The following DCC variants were observed in gnomAD, a reference collection of about 807,000 sequenced individuals.
DCC encodes the protein netrin receptor DCC.
Under a neutral mutation model 172.5 loss-of-function variants are expected in DCC, and 58 were observed. The ratio of observed to expected loss-of-function variants is 0.34; its 90% CI spans 0.27 to 0.42. The LOEUF is 0.42. DCC is among the 10% of genes least tolerant of loss of function. The pLI is 1.00. For missense variants in DCC, 1,740 were observed against 1,791.0 expected (o/e 0.97, Z 0.51); for synonymous variants, 709 against 644.5 (o/e 1.10, Z -1.52).
At chr18:53,168,628 G>C (rs549879971) in intron 8 of DCC, among the ~76,000 whole-genome samples, 2 of 151,966 alleles carry the variant, frequency 1.3e-5, no homozygotes, top group East Asian at 3.9e-4. Context: ...TAGATGACAG[G>C]TTGATGGGTG....
intron 7 of DCC, among the ~76,000 whole-genome samples, chr18:53,070,712 T>G (rs2042640436): frequency 6.6e-6 from 1 of 152,224 alleles, no homozygotes; most frequent in Admixed American, 6.5e-5. Flanking sequence ...GGTCGTTGTT[T>G]ATTGTATTTG....
chr18:52,809,853 G>C (rs953388786), intron 2 of DCC, among the ~76,000 whole-genome samples: 27 of 151,834 alleles, frequency 1.8e-4, no homozygotes, highest in Non-Finnish European at 3.5e-4. Context: ...TGTGCTCTCA[G>C]ATGATAACTG....
chr18:53,219,950 CAGA>C (rs375543189), intron 12 of DCC, among the ~76,000 whole-genome samples: 3 of 152,026 alleles, frequency 2.0e-5, no homozygotes, highest in Non-Finnish European at 2.9e-5. Flanking sequence ...GGGATAACTG[CAGA>C]AGGACATGCT....
At chr18:53,163,198 G>A (rs569805120) in intron 8 of DCC, among the ~76,000 whole-genome samples, 1 of 152,268 alleles carries the variant, frequency 6.6e-6, no homozygotes, top group Non-Finnish European at 1.5e-5. Flanking sequence ...CATGCCTCAT[G>A]TAAACATAAA....
At chr18:52,930,185 A>T (rs1242818883) in intron 5 of DCC, among the ~76,000 whole-genome samples, 1 of 151,464 alleles carries the variant, frequency 6.6e-6, no homozygotes, top group Non-Finnish European at 1.5e-5. Context: ...GGCTGATCTC[A>T]AACTCCTGGG....
At chr18:53,313,882 T>C (rs1417916068) in intron 13 of DCC, among the ~76,000 whole-genome samples, 1 of 152,218 alleles carries the variant, frequency 6.6e-6, no homozygotes, top group East Asian at 1.9e-4. Flanking sequence ...TTAATTTCTC[T>C]GAGCCTTATT....
chr18:52,508,909 G>T (rs1247817644), intron 1 of DCC, among the ~76,000 whole-genome samples: 1 of 152,230 alleles, frequency 6.6e-6, no homozygotes, highest in Non-Finnish European at 1.5e-5. Flanking sequence ...GCCTAGATTT[G>T]CACTGCCAAG....
rs536691775 is a variant in DCC, at chr18:52,460,399, C to G, written c.91+119521C>G. On this transcript the variant is annotated intron_variant, in intron 1 of 28. Transcript: ENST00000442544. The stretch of plus-strand genomic sequence containing the variant: ...TGATCACTCCCTCTTTTTTTCAACA[C>G]TTTCTTTACTTAGCTTCCAAGATAG... Among the ~76,000 whole-genome samples the G allele has an allele frequency of 5.3e-5, 8 of 152,268 alleles. No homozygotes were observed. In the East Asian group the frequency reaches 1.5e-3, roughly 29 times the overall value.
intron 3 of DCC, among the ~76,000 whole-genome samples, chr18:52,913,182 T>C (rs908975576): frequency 9.2e-5 from 14 of 152,066 alleles, no homozygotes; most frequent in African/African-American, 1.9e-4. Flanking sequence ...GAATTAGTTA[T>C]AGTAGGTCAG....
At chr18:52,691,957 C>T (rs758710642) in intron 1 of DCC, among the ~76,000 whole-genome samples, 8 of 152,146 alleles carry the variant, frequency 5.3e-5, no homozygotes, top group Non-Finnish European at 1.0e-4. Flanking sequence ...ACAGTATTCC[C>T]CTAAATAACT....
chr18:53,158,096 T>G (rs2054774030), intron 8 of DCC, among the ~76,000 whole-genome samples: 2 of 152,000 alleles, frequency 1.3e-5, no homozygotes, highest in African/African-American at 4.8e-5. Context: ...CATAAATATG[T>G]ACATCTATTA....
At chr18:53,396,518 G>A (rs999179228) in intron 17 of DCC, among the ~76,000 whole-genome samples, 2 of 152,164 alleles carry the variant, frequency 1.3e-5, no homozygotes, top group Non-Finnish European at 2.9e-5. Flanking sequence ...TAATCCTTTA[G>A]TATTTATCCA....
intron 1 of DCC, among the ~76,000 whole-genome samples, chr18:52,386,342 A>G (rs1442584152): frequency 6.6e-6 from 1 of 152,058 alleles, no homozygotes; most frequent in Non-Finnish European, 1.5e-5. Flanking sequence ...TATAGCTTTC[A>G]TTTTTTGCCC....
chr18:52,895,492 G>A lies in DCC; in HGVS notation c.413-10552G>A, dbSNP rs200245107. On this transcript the variant is annotated intron_variant, in intron 2 of 28. Coordinates refer to ENST00000442544, the MANE Select transcript of DCC (RefSeq NM_005215.4). Reference sequence around the variant, plus strand: ...CACTGAATATAATGCACTGAATAGAGTATTAGAAACATTAGGAAAGTTTCC... The same window carrying A: ...CACTGAATATAATGCACTGAATAGAATATTAGAAACATTAGGAAAGTTTCC... Among the ~76,000 whole-genome samples, 5 of 152,218 alleles carry A rather than the reference G, an allele frequency of 3.3e-5. No homozygotes were observed. The East Asian group carries it at 9.7e-4, about 29-fold the overall frequency.
At chr18:52,672,324 TATAAG>T (rs1159916666) in intron 1 of DCC, among the ~76,000 whole-genome samples, 7 of 152,206 alleles carry the variant, frequency 4.6e-5, no homozygotes. Flanking sequence ...AGCTATTCAC[TATAAG>T]ATGTCAATAG....
chr18:52,952,370 G>A (rs989016369), intron 5 of DCC, among the ~76,000 whole-genome samples: 3 of 151,746 alleles, frequency 2.0e-5, no homozygotes, highest in Non-Finnish European at 4.4e-5. Context: ...ATCTTTAAGT[G>A]TTTCTCAGAT....
chr18:53,245,505 A>G (rs1303539853), intron 12 of DCC, among the ~76,000 whole-genome samples: 1 of 152,118 alleles, frequency 6.6e-6, no homozygotes, highest in African/African-American at 2.4e-5. Flanking sequence ...CTAGCATATG[A>G]ATAGAATTAT....
At chr18:53,414,940 G>A (rs1910216763) in intron 20 of DCC, among the ~76,000 whole-genome samples, 1 of 152,154 alleles carries the variant, frequency 6.6e-6, no homozygotes, top group South Asian at 2.1e-4. Flanking sequence ...TATATGTTAT[G>A]TTTAAATGAA....
chr18:53,230,944 A>G (rs1473070728), intron 12 of DCC, among the ~76,000 whole-genome samples: 2 of 151,988 alleles, frequency 1.3e-5, no homozygotes, highest in African/African-American at 4.8e-5. Flanking sequence ...TTGGGGTATT[A>G]TGCAGATATG....
Sources: allele counts gnomAD v4.1 joint callset (sites outside exome capture counted in the v4.1 genomes callset), GRCh38; gene constraint gnomAD v4.1.1; transcripts MANE v1.5; gene names NCBI Gene and HGNC (gene_info 2026-07-23, HGNC 2026-07-21).